The following PLXNA4 variants were observed in gnomAD, a reference collection of about 807,000 sequenced individuals.
PLXNA4 encodes plexin A4.
A neutral mutation model predicts 191.8 loss-of-function variants in PLXNA4; 44 were observed. The observed-to-expected ratio is 0.23, with a 90% CI of 0.18 to 0.29. PLXNA4 has a LOEUF of 0.29. PLXNA4 is among the 10% of genes least tolerant of loss of function. The probability of loss-of-function intolerance (pLI) is 1.00; values close to 1 mark genes in which losing one functional copy is unlikely to be tolerated. For missense variants in PLXNA4, 1,800 were observed against 2,488.8 expected, an observed-to-expected ratio of 0.72 and a Z score of 5.89; for synonymous variants, 1,082 against 1,009.5, an observed-to-expected ratio of 1.07 and a Z score of -1.36.
intron 3 of PLXNA4, among the ~76,000 whole-genome samples, chr7:132,408,130 A>G (rs1794298980): frequency 6.6e-6 from 1 of 152,162 alleles, no homozygotes; most frequent in Non-Finnish European, 1.5e-5. Flanking sequence ...AAACAGTAGG[A>G]GAGTGGGTAA....
At chr7:132,440,521 A>T (rs1388988205) in intron 3 of PLXNA4, among the ~76,000 whole-genome samples, 1 of 152,140 alleles carries the variant, frequency 6.6e-6, no homozygotes, top group African/African-American at 2.4e-5. Context: ...TATATCAGAA[A>T]ATCCGTACTC....
At chr7:132,418,893 G>A (rs1794752535) in intron 3 of PLXNA4, among the ~76,000 whole-genome samples, 1 of 152,130 alleles carries the variant, frequency 6.6e-6, no homozygotes, top group African/African-American at 2.4e-5. Context: ...TTAATGGCTG[G>A]GGCCAGTGAT....
chr7:132,563,571 ATCCTCC>A (rs530169238), intron 1 of PLXNA4, among the ~76,000 whole-genome samples: 1 of 21,184 alleles, frequency 4.7e-5, no homozygotes, highest in African/African-American at 1.9e-4. Context: ...TCTCCTCTTC[ATCCTCC>A]TCCTCCTTCT....
chr7:132,623,042 T>C (rs1329958807), intron 2 of PLXNA4, among the ~76,000 whole-genome samples: 1 of 152,052 alleles, frequency 6.6e-6, no homozygotes, highest in Non-Finnish European at 1.5e-5. Flanking sequence ...CCCTTCTCCA[T>C]TGGGTATAAG....
chr7:132,499,069 G>A (rs1247518583), intron 2 of PLXNA4, among the ~76,000 whole-genome samples: 1 of 152,230 alleles, frequency 6.6e-6, no homozygotes, highest in Non-Finnish European at 1.5e-5. Flanking sequence ...CCCTGGAGAA[G>A]GGCATTAAGC....
chr7:132,299,080 C>T (rs1291322585), intron 3 of PLXNA4, among the ~76,000 whole-genome samples: 3 of 152,198 alleles, frequency 2.0e-5, no homozygotes, highest in African/African-American at 4.8e-5. Context: ...CTGGAAACAT[C>T]CTGTGTTTGA....
At chr7:132,172,465 T>C (rs942757001) in intron 21 of PLXNA4, among the ~76,000 whole-genome samples, 1 of 152,012 alleles carries the variant, frequency 6.6e-6, no homozygotes, top group Non-Finnish European at 1.5e-5. Flanking sequence ...CTTCCAGAGG[T>C]AAGCAGGAAC....
At chr7:132,425,896 G>C (rs1249981674) in intron 3 of PLXNA4, among the ~76,000 whole-genome samples, 1 of 152,328 alleles carries the variant, frequency 6.6e-6, no homozygotes, top group East Asian at 1.9e-4. Flanking sequence ...AGGCAGACAG[G>C]GGCTTCTGCA....
At chr7:132,369,996 A>C (rs1184897409) in intron 3 of PLXNA4, among the ~76,000 whole-genome samples, 1 of 149,696 alleles carries the variant, frequency 6.7e-6, no homozygotes, top group Non-Finnish European at 1.5e-5. Context: ...TGAACCTGGG[A>C]GGCAGAGATT....
chr7:132,324,947 C>A (rs1354157967), intron 3 of PLXNA4, among the ~76,000 whole-genome samples: 3 of 152,096 alleles, frequency 2.0e-5, no homozygotes, highest in Non-Finnish European at 4.4e-5. Flanking sequence ...AGAACACAAG[C>A]CCCCTGAAAA....
chr7:132,613,180 C>T (rs1033790164), intron 2 of PLXNA4, among the ~76,000 whole-genome samples: 3 of 152,122 alleles, frequency 2.0e-5, no homozygotes, highest in African/African-American at 7.2e-5. Flanking sequence ...CAGCTTTCCT[C>T]CTCCCTCCCT....
At chr7:132,204,247 T>A (rs955648776) in intron 10 of PLXNA4, among the ~76,000 whole-genome samples, 6 of 152,064 alleles carry the variant, frequency 3.9e-5, no homozygotes, top group Non-Finnish European at 7.4e-5. Context: ...TTGAAGATGA[T>A]GGTGGAGGGG....
rs967698244 is a variant in PLXNA4 at position 132,297,978 on chromosome 7, A to G, written c.1503+113T>C. On this transcript the variant is annotated intron_variant, in intron 4 of 31. Coordinates refer to ENST00000321063, the MANE Select transcript of PLXNA4 (RefSeq NM_020911.2). ...AAGTATAACTGAAAAGATACATACT[A>G]CGCCAAATAAATCAAATCACCTCTC... is the stretch of plus-strand genomic sequence containing the variant. 4.3e-6 allele frequency: 6 copies of G among 1,381,364 alleles called. No homozygotes were observed. In the African/African-American group the frequency reaches 8.6e-5, roughly 20 times the overall value. The allele number at this position is 1,381,364 out of a possible 1,614,324, so 85.6% of individuals were successfully genotyped here. A position where few individuals can be genotyped will look rare whatever the true frequency, so the allele number is the denominator to read the frequency against.
chr7:132,257,838 C>T (rs753644882), intron 4 of PLXNA4, among the ~76,000 whole-genome samples: 7 of 152,248 alleles, frequency 4.6e-5, no homozygotes, highest in Non-Finnish European at 7.3e-5. Flanking sequence ...AAGAATCAGT[C>T]TGACCTTGCA....
chr7:132,468,368 T>C (rs1365518006), intron 3 of PLXNA4, among the ~76,000 whole-genome samples: 1 of 152,190 alleles, frequency 6.6e-6, no homozygotes, highest in African/African-American at 2.4e-5. Context: ...CTTATACATA[T>C]GCCGTATGTA....
rs543904463 is a variant in PLXNA4, at chr7:132,461,964, G to T, written c.1371+27328C>A. Among the ~76,000 whole-genome samples the T allele has an allele frequency of 5.9e-5, 9 of 152,318 alleles. No homozygotes were observed. The South Asian group carries it at 1.7e-3, about 28-fold the overall frequency. ...CAGGTGGAAAATTTACAATGTTGCAGATCTATGAGCAATGAAAAGCTATTA... is the reference window on the plus strand; with the variant it reads ...CAGGTGGAAAATTTACAATGTTGCATATCTATGAGCAATGAAAAGCTATTA... On this transcript the variant is annotated intron_variant, in intron 3 of 31. Coordinates refer to ENST00000321063, the MANE Select transcript of PLXNA4 (RefSeq NM_020911.2).
At chr7:132,155,042 CTT>C (rs897171301) in intron 25 of PLXNA4, among the ~76,000 whole-genome samples, 3 of 152,198 alleles carry the variant, frequency 2.0e-5, no homozygotes, top group African/African-American at 7.2e-5. Context: ...GATAGTGTAT[CTT>C]TTTATTGCCT....
intron 3 of PLXNA4, among the ~76,000 whole-genome samples, chr7:132,322,888 G>T (rs947353573): frequency 6.6e-6 from 1 of 152,180 alleles, no homozygotes; most frequent in African/African-American, 2.4e-5. Flanking sequence ...TGACTTAAGA[G>T]ATCTGTTCAG....
intron 2 of PLXNA4, among the ~76,000 whole-genome samples, chr7:132,606,969 C>T (rs1268744579): frequency 1.3e-5 from 2 of 152,150 alleles, no homozygotes; most frequent in African/African-American, 2.4e-5. Context: ...GCCTTCCACA[C>T]CTATGGTCAA....
Sources: allele counts gnomAD v4.1 joint callset (sites outside exome capture counted in the v4.1 genomes callset), GRCh38; gene constraint gnomAD v4.1.1; transcripts MANE v1.5; gene names NCBI Gene and HGNC (gene_info 2026-07-23, HGNC 2026-07-21).